ATG7: variants seen among roughly 807,000 people sequenced by gnomAD.
ATG7 encodes ubiquitin-like modifier-activating enzyme ATG7.
ATG7 carries 70 observed loss-of-function variants against 82.4 expected under a neutral mutation model. That is an observed-to-expected ratio of 0.85 (90% confidence interval 0.70 to 1.04). The LOEUF is 1.04. Among genes scored for constraint, ATG7 ranks in the 50% least tolerant of loss-of-function variants. The probability of loss-of-function intolerance (pLI) is 0.00; values close to 1 mark genes in which losing one functional copy is unlikely to be tolerated. For missense variants in ATG7, 792 were observed against 864.3 expected (o/e 0.92, Z 1.05); for synonymous variants, 287 against 313.0 (o/e 0.92, Z 0.88).
At chr3:11,558,612 C>T (rs771000362), downstream of ATG7, 43 of 1,606,836 alleles carry the variant, frequency 2.7e-5, no homozygotes, top group Non-Finnish European at 3.5e-5. Flanking sequence ...GAGGGGCTGG[C>T]GGGCTGGCCC....
chr3:11,437,405 A>G (rs1017713049), intron 20 of ATG7, among the ~76,000 whole-genome samples: 11 of 152,152 alleles, frequency 7.2e-5, no homozygotes, highest in Admixed American at 7.2e-4. Flanking sequence ...TGCTGTGGGG[A>G]GAGAAAGCCA....
At chr3:11,378,274 C>T (rs1291608045) in intron 18 of ATG7, among the ~76,000 whole-genome samples, 1 of 150,952 alleles carries the variant, frequency 6.6e-6, no homozygotes, top group Non-Finnish European at 1.5e-5. Flanking sequence ...GCCTCAGCCT[C>T]CCAAAGTGCT....
Position 11,488,516 on chromosome 3 carries a change from C to T in ATG7, c.2079+61590C>T, listed in dbSNP as rs950489055. 179 of 1,201,640 alleles carry T rather than the reference C, an allele frequency of 1.5e-4. No homozygotes were observed. In the African/African-American group the frequency reaches 1.9e-3, roughly 13 times the overall value. 74.4% of individuals were successfully genotyped at this position (1,201,640 alleles called of 1,614,324 possible). A position where few individuals can be genotyped will look rare whatever the true frequency, so the allele number is the denominator to read the frequency against. ...GCGGGTGTCAGCGCCGCGACTGTCC[C>T]GGCTCCGCACTGCCCCGGGCCGCAG... On this transcript the variant is annotated intron_variant, in intron 20 of 20. Transcript: ENST00000693202.
At chr3:11,385,525 G>A (rs2152858743) in intron 19 of ATG7, among the ~76,000 whole-genome samples, 1 of 152,292 alleles carries the variant, frequency 6.6e-6, no homozygotes, top group South Asian at 2.1e-4. Flanking sequence ...GATTACAATA[G>A]CCACTGTCTT....
At chr3:11,501,435 T>C (rs2091310008) in intron 20 of ATG7, among the ~76,000 whole-genome samples, 1 of 152,154 alleles carries the variant, frequency 6.6e-6, no homozygotes, top group African/African-American at 2.4e-5. Context: ...AGTGTTATTT[T>C]TGAGTGGTAC....
chr3:11,420,540 C>T (rs1478219535), intron 19 of ATG7, among the ~76,000 whole-genome samples: 1 of 151,996 alleles, frequency 6.6e-6, no homozygotes, highest in Non-Finnish European at 1.5e-5. Context: ...TTTTGTCTTA[C>T]TGGAAACCTG....
intron 20 of ATG7, among the ~76,000 whole-genome samples, chr3:11,502,897 A>G (rs1424299081): frequency 6.6e-6 from 1 of 152,138 alleles, no homozygotes; most frequent in Non-Finnish European, 1.5e-5. Context: ...CTCTTATTCC[A>G]TTTTGGAAAC....
intron 20 of ATG7, among the ~76,000 whole-genome samples, chr3:11,449,240 C>G (rs2084873157): frequency 1.3e-5 from 2 of 152,178 alleles, no homozygotes; most frequent in South Asian, 4.1e-4. Flanking sequence ...GGCATGATGG[C>G]TCATGCCTGT....
intron 18 of ATG7, among the ~76,000 whole-genome samples, chr3:11,375,016 A>G (rs1220877354): frequency 6.8e-6 from 1 of 148,028 alleles, no homozygotes; most frequent in Admixed American, 6.8e-5. Flanking sequence ...AGCATGGGCA[A>G]CACAGCGAGA....
chr3:11,442,025 A>G (rs1337868030), intron 20 of ATG7, among the ~76,000 whole-genome samples: 1 of 151,456 alleles, frequency 6.6e-6, no homozygotes, highest in East Asian at 1.9e-4. Context: ...CTGGTCTTGA[A>G]CTCCTGGCCT....
chr3:11,558,315 G>C, downstream of ATG7: 1 of 629,252 alleles, frequency 1.6e-6, no homozygotes, highest in South Asian at 2.5e-5. Flanking sequence ...AGGAAGTAAG[G>C]ATGCTACATT....
chr3:11,285,227 T>A (rs980525657), intron 3 of ATG7, among the ~76,000 whole-genome samples: 1 of 147,378 alleles, frequency 6.8e-6, no homozygotes, highest in Non-Finnish European at 1.5e-5. Flanking sequence ...TCACGCAGGC[T>A]GGAGTTCAGT....
At position 11,555,187 on chromosome 3, in the gene ATG7, T is replaced by TG. The variant is rs1392290956; in HGVS notation, c.*348dup. The stretch of plus-strand genomic sequence containing the variant: ...AGGGGGTGACCCAACACAGACCAAA[T>TG]GGGGAAATGAGCAACCAGCTCCTGC... On this transcript the variant is annotated 3_prime_UTR_variant, in exon 21 of 21. Coordinates refer to ENST00000693202, the MANE Select transcript of ATG7 (RefSeq NM_001349232.2). The TG allele has an allele frequency of 1.1e-5, 3 of 275,208 alleles. No homozygotes were observed. The highest frequency in any genetic ancestry group is 2.0e-5 in the Non-Finnish European group (3 of 147,430). 17.0% of individuals were successfully genotyped at this position (275,208 alleles called of 1,614,324 possible).
intron 20 of ATG7, among the ~76,000 whole-genome samples, chr3:11,432,369 A>G: frequency 6.6e-6 from 1 of 152,242 alleles, no homozygotes; most frequent in East Asian, 1.9e-4. Flanking sequence ...GATTAATTTT[A>G]TTAATCTCAA....
At chr3:11,334,081 G>A (rs1180523191) in intron 11 of ATG7, among the ~76,000 whole-genome samples, 1 of 151,896 alleles carries the variant, frequency 6.6e-6, no homozygotes, top group Admixed American at 6.6e-5. Flanking sequence ...CGGAATCCAT[G>A]TCCTATGTCA....
chr3:11,295,422 T>C (rs1475349129), intron 3 of ATG7, among the ~76,000 whole-genome samples: 1 of 152,202 alleles, frequency 6.6e-6, no homozygotes, highest in East Asian at 1.9e-4. Flanking sequence ...ATTCAGCCTG[T>C]TGAAAAACAA....
At chr3:11,501,556 T>C (rs2091323742) in intron 20 of ATG7, among the ~76,000 whole-genome samples, 1 of 152,242 alleles carries the variant, frequency 6.6e-6, no homozygotes, top group Admixed American at 6.5e-5. Flanking sequence ...AATAGATAGG[T>C]GTGATAATGT....
intron 19 of ATG7, among the ~76,000 whole-genome samples, chr3:11,413,569 A>G (rs1362647909): frequency 6.6e-6 from 1 of 150,428 alleles, no homozygotes. Flanking sequence ...AACTGTAAAG[A>G]TGTCACACAA....
chr3:11,534,347 G>GCC (rs1392978051), intron 20 of ATG7, among the ~76,000 whole-genome samples: 1 of 152,250 alleles, frequency 6.6e-6, no homozygotes, highest in East Asian at 1.9e-4. Flanking sequence ...ACACCAGCTT[G>GCC]CCAAGGTAAA....
Sources: gnomAD v4.1 joint callset for allele counts (sites outside exome capture counted in the v4.1 genomes callset) on GRCh38, gnomAD v4.1.1 for gene constraint, MANE v1.5 for transcripts, NCBI Gene and HGNC (gene_info 2026-07-23, HGNC 2026-07-21) for gene names.